Variants in SUN3 observed in about 807,000 individuals in gnomAD.
The protein encoded by SUN3 is SUN domain-containing protein 3.
SUN3 carries 36 observed loss-of-function variants against 48.2 expected under a neutral mutation model. The observed-to-expected ratio is 0.75, with a 90% CI of 0.57 to 0.99. The LOEUF (loss-of-function observed/expected upper bound fraction) is 0.99. Ranked by LOEUF, SUN3 falls within the 50% of genes least tolerant of loss-of-function variation. The pLI is 0.00. For missense variants in SUN3, 419 were observed against 433.1 expected (o/e 0.97, Z 0.29); for synonymous variants, 148 against 147.9 (o/e 1.00, Z 0.00).
chr7:48,027,091 A>T (rs1790157530), intron 1 of SUN3, among the ~76,000 whole-genome samples: 1 of 152,150 alleles, frequency 6.6e-6, no homozygotes, highest in African/African-American at 2.4e-5. Flanking sequence ...AAATGGACCC[A>T]TGTGGGTATG....
At chr7:48,025,024 G>A (rs1790096918) in intron 2 of SUN3, among the ~76,000 whole-genome samples, 1 of 152,156 alleles carries the variant, frequency 6.6e-6, no homozygotes, top group Non-Finnish European at 1.5e-5. Context: ...AAACAGTCTG[G>A]TGGTTCCTCC....
intron 5 of SUN3, among the ~76,000 whole-genome samples, chr7:48,006,809 GACTA>G (rs1249179245): frequency 6.6e-6 from 1 of 152,214 alleles, no homozygotes; most frequent in African/African-American, 2.4e-5. Flanking sequence ...ATGCTGTCTA[GACTA>G]ACTACATTAG....
At chr7:48,005,942 T>C in intron 6 of SUN3, 27 bp downstream of exon 6, 3 of 1,480,034 alleles carry the variant, frequency 2.0e-6, no homozygotes, top group Non-Finnish European at 2.8e-6. Context: ...TTTTTAATGT[T>C]CCTCTTTTCA....
chr7:47,992,956 G>T (rs573729377), intron 8 of SUN3, among the ~76,000 whole-genome samples: 2 of 152,138 alleles, frequency 1.3e-5, no homozygotes, highest in Non-Finnish European at 2.9e-5. Flanking sequence ...TTTGAGACCA[G>T]CCTGGGCAAC....
the SUN3 span, among the ~76,000 whole-genome samples, chr7:48,034,225 T>G: frequency 6.6e-6 from 1 of 152,234 alleles, no homozygotes; most frequent in Non-Finnish European, 1.5e-5. Flanking sequence ...TACTCATGAC[T>G]GGACCACTGA....
chr7:47,988,492 T>C (rs887283597), intron 9 of SUN3, among the ~76,000 whole-genome samples: 1 of 152,188 alleles, frequency 6.6e-6, no homozygotes, highest in African/African-American at 2.4e-5. Context: ...CTATTACACT[T>C]AATAGTATTC....
In SUN3 at chr7:48,007,150, A is replaced by G. The variant is rs1789546967; in HGVS notation, c.492+15T>C. The G allele has an allele frequency of 1.2e-6, 2 of 1,609,356 alleles. No homozygotes were observed. The highest frequency in any genetic ancestry group is 1.7e-6 in the Non-Finnish European group (2 of 1,177,650). Reference sequence around the variant, plus strand: ...CCACCCCACCCTGCCCAACCCGCCTAGCCTCATCCAGGACCTCTGTGTGGT... The same window carrying G: ...CCACCCCACCCTGCCCAACCCGCCTGGCCTCATCCAGGACCTCTGTGTGGT... On this transcript the variant is annotated intron_variant, in intron 5 of 9. Transcript: ENST00000297325.
chr7:47,987,539 CTT>C (rs5884032), intron 9 of SUN3, 90 bp from the exon 10 acceptor site: 546 of 1,068,066 alleles, frequency 5.1e-4, no homozygotes, highest in Middle Eastern at 1.5e-3. Context: ...AAATTATATA[CTT>C]TTTTTTTTTC....
At chr7:47,987,497 C>A in intron 9 of SUN3, 48 bp from the exon 10 acceptor site, 1 of 1,449,792 alleles carries the variant, frequency 6.9e-7, no homozygotes, top group Non-Finnish European at 9.1e-7. Context: ...AAATTCATCT[C>A]AAAGAATCCC....
At chr7:48,014,159 A>G (rs1789749823) in intron 3 of SUN3, among the ~76,000 whole-genome samples, 1 of 151,538 alleles carries the variant, frequency 6.6e-6, no homozygotes, top group East Asian at 1.9e-4. Context: ...CTGGTCTTGA[A>G]CTCCTGGAGC....
intron 8 of SUN3, among the ~76,000 whole-genome samples, chr7:47,991,469 G>T (rs574370500): frequency 6.6e-6 from 1 of 152,230 alleles, no homozygotes; most frequent in South Asian, 2.1e-4. Flanking sequence ...TCCAGATATG[G>T]AATGTAGAGG....
chr7:48,031,867 CACGGT>C (rs1002477708), upstream of SUN3, among the ~76,000 whole-genome samples: 1 of 151,596 alleles, frequency 6.6e-6, no homozygotes, highest in African/African-American at 2.4e-5. Flanking sequence ...CACACACACA[CACGGT>C]GGGTGTGTGG....
At chr7:48,022,319 A>T (rs1790021098) in intron 2 of SUN3, among the ~76,000 whole-genome samples, 3 of 152,112 alleles carry the variant, frequency 2.0e-5, no homozygotes, top group Admixed American at 2.0e-4. Flanking sequence ...ATAGGTACAA[A>T]AAATAGAAAG....
rs368996415 is a variant in SUN3, at chr7:48,007,145, C to T, written c.492+20G>A. The T allele has an allele frequency of 1.5e-4, 249 of 1,606,822 alleles. 2 individuals carry two copies. The East Asian group carries it at 1.6e-3, about 11-fold the overall frequency. On this transcript the variant is annotated intron_variant, in intron 5 of 9. Coordinates refer to ENST00000297325, the MANE Select transcript of SUN3 (RefSeq NM_001030019.2). ...AACCACCACCCCACCCTGCCCAACC[C>T]GCCTAGCCTCATCCAGGACCTCTGT...
At chr7:48,005,186 C>CAAA (rs1562604656) in intron 6 of SUN3, among the ~76,000 whole-genome samples, 3 of 151,342 alleles carry the variant, frequency 2.0e-5, no homozygotes, top group Non-Finnish European at 3.0e-5. Context: ...AAACAAACAA[C>CAAA]CAAAAAATCC....
intron 7 of SUN3, 150 bp downstream of exon 7, chr7:47,995,881 T>G: frequency 5.9e-6 from 3 of 505,130 alleles, no homozygotes; most frequent in Non-Finnish European, 1.1e-5. Context: ...TGCAGTGTAC[T>G]GACTATAAAA....
intron 3 of SUN3, among the ~76,000 whole-genome samples, chr7:48,015,276 G>T (rs1222428603): frequency 6.6e-6 from 1 of 152,192 alleles, no homozygotes; most frequent in Non-Finnish European, 1.5e-5. Flanking sequence ...GGAGCTATCT[G>T]AGGCTGACCC....
intron 8 of SUN3, 37 bp downstream of exon 8, chr7:47,994,277 CA>C (rs755259561): frequency 6.2e-7 from 1 of 1,607,780 alleles, no homozygotes; most frequent in East Asian, 2.2e-5. Flanking sequence ...CACCTTCTAT[CA>C]GGCCAATCTG....
intron 1 of SUN3, among the ~76,000 whole-genome samples, chr7:48,028,497 A>G (rs1790196855): frequency 6.6e-6 from 1 of 150,622 alleles, no homozygotes. Context: ...AAAAAAAAAA[A>G]AAAAAAAAAA....
Sources: allele counts gnomAD v4.1 joint callset (sites outside exome capture counted in the v4.1 genomes callset), GRCh38; gene constraint gnomAD v4.1.1; transcripts MANE v1.5; gene names NCBI Gene and HGNC (gene_info 2026-07-23, HGNC 2026-07-21).